SSBP2: variants seen among roughly 807,000 people sequenced by gnomAD.
SSBP2 encodes the protein single stranded DNA binding protein 2.
Under a neutral mutation model 61.8 loss-of-function variants are expected in SSBP2, and 17 were observed. The observed-to-expected ratio is 0.28, with a 90% CI of 0.19 to 0.41. SSBP2 has a LOEUF of 0.41. SSBP2 is among the 10% of genes least tolerant of loss of function. The pLI is 1.00. For synonymous variants in SSBP2, 139 were observed against 141.3 expected (o/e 0.98, Z 0.12); for missense variants, 310 against 458.7 (o/e 0.68, Z 2.96).
At chr5:81,535,957 CA>C (rs1423080404) in intron 4 of SSBP2, among the ~76,000 whole-genome samples, 1 of 151,944 alleles carries the variant, frequency 6.6e-6, no homozygotes, top group Non-Finnish European at 1.5e-5. Flanking sequence ...AGTGAGAAGA[CA>C]AGCCACAGAC....
intron 4 of SSBP2, among the ~76,000 whole-genome samples, chr5:81,569,551 A>G (rs888419467): frequency 1.3e-5 from 2 of 152,132 alleles, no homozygotes; most frequent in Non-Finnish European, 2.9e-5. Flanking sequence ...TTCCCTAAAC[A>G]CCTCATGCTC....
intron 4 of SSBP2, among the ~76,000 whole-genome samples, chr5:81,582,479 T>A (rs938595118): frequency 2.6e-5 from 4 of 152,186 alleles, no homozygotes; most frequent in African/African-American, 9.6e-5. Flanking sequence ...TAAAATTAAC[T>A]TTATAATATG....
chr5:81,728,309 C>T (rs1323584701), intron 1 of SSBP2, among the ~76,000 whole-genome samples: 2 of 152,090 alleles, frequency 1.3e-5, no homozygotes. Flanking sequence ...CAATACAGTG[C>T]AATGATTTTC....
At chr5:81,728,357 A>G (rs1197343020) in intron 1 of SSBP2, among the ~76,000 whole-genome samples, 2 of 152,170 alleles carry the variant, frequency 1.3e-5, no homozygotes, top group Non-Finnish European at 2.9e-5. Flanking sequence ...TTTTTTAAAT[A>G]AATAAAACAT....
intron 1 of SSBP2, among the ~76,000 whole-genome samples, chr5:81,715,614 A>T (rs1755118292): frequency 6.6e-6 from 1 of 152,222 alleles, no homozygotes; most frequent in Admixed American, 6.5e-5. Flanking sequence ...TACAAGAAAG[A>T]AAAAGTAACC....
intron 12 of SSBP2, among the ~76,000 whole-genome samples, chr5:81,444,750 A>G (rs746362648): frequency 2.0e-5 from 3 of 152,166 alleles, no homozygotes; most frequent in Non-Finnish European, 2.9e-5. Context: ...AATGTGCACA[A>G]AGAAAAGAAA....
At chr5:81,575,526 A>G (rs1186250845) in intron 4 of SSBP2, among the ~76,000 whole-genome samples, 1 of 152,130 alleles carries the variant, frequency 6.6e-6, no homozygotes, top group Non-Finnish European at 1.5e-5. Flanking sequence ...GAACAATAAA[A>G]ACAAGCTAAT....
chr5:81,468,497 A>G (rs1051560080), intron 8 of SSBP2, among the ~76,000 whole-genome samples: 5 of 151,968 alleles, frequency 3.3e-5, no homozygotes, highest in Non-Finnish European at 5.9e-5. Flanking sequence ...TGGCTCTATG[A>G]GGTATTCAAG....
intron 1 of SSBP2, among the ~76,000 whole-genome samples, chr5:81,681,317 T>C (rs1053054269): frequency 9.2e-5 from 14 of 152,080 alleles, no homozygotes; most frequent in African/African-American, 2.6e-4. Context: ...GTCAGGACTT[T>C]AGGACCAGCC....
At chr5:81,451,990 T>A (rs1469641991) in intron 10 of SSBP2, among the ~76,000 whole-genome samples, 1 of 152,164 alleles carries the variant, frequency 6.6e-6, no homozygotes, top group East Asian at 1.9e-4. Flanking sequence ...TAGGTAGAAG[T>A]ACCATGTGAG....
At chr5:81,597,807 A>G (rs76724770) in intron 4 of SSBP2, among the ~76,000 whole-genome samples, 2 of 144,202 alleles carry the variant, frequency 1.4e-5, no homozygotes, top group African/African-American at 5.1e-5. Context: ...GAAATGAACA[A>G]TGAGAACACA....
intron 4 of SSBP2, among the ~76,000 whole-genome samples, chr5:81,606,192 T>C (rs1744864784): frequency 6.6e-6 from 1 of 152,184 alleles, no homozygotes; most frequent in African/African-American, 2.4e-5. Context: ...TCACAGGCAC[T>C]GAGGAAACTA....
intron 16 of SSBP2, among the ~76,000 whole-genome samples, chr5:81,424,253 G>A (rs995413116): frequency 2.0e-5 from 3 of 151,680 alleles, no homozygotes; most frequent in African/African-American, 7.3e-5. Flanking sequence ...GTGAAACCCC[G>A]TTTCTACTAA....
intron 4 of SSBP2, among the ~76,000 whole-genome samples, chr5:81,608,221 AATT>A (rs1745064997): frequency 6.6e-6 from 1 of 152,078 alleles, no homozygotes; most frequent in African/African-American, 2.4e-5. Context: ...ATTAATTACA[AATT>A]ATTTTTAATT....
intron 4 of SSBP2, among the ~76,000 whole-genome samples, chr5:81,611,817 T>C (rs1184891634): frequency 1.3e-5 from 2 of 152,156 alleles, no homozygotes; most frequent in African/African-American, 2.4e-5. Flanking sequence ...TGTTTCTCTC[T>C]TTTCCACATT....
chr5:81,428,876 T>TA (rs942279590), intron 15 of SSBP2, among the ~76,000 whole-genome samples, 193 bp from the exon 16 acceptor site: 9 of 151,220 alleles, frequency 6.0e-5, no homozygotes, highest in Non-Finnish European at 1.0e-4. Flanking sequence ...AATGAAAATT[T>TA]AAAAAAAAAT....
At chr5:81,750,642 G>A (rs1757698524) in intron 1 of SSBP2, 1 of 264,326 alleles carries the variant, frequency 3.8e-6, no homozygotes, top group African/African-American at 2.4e-5. Context: ...CGGAGCCCCG[G>A]ACCCCAGCTC....
intron 5 of SSBP2, among the ~76,000 whole-genome samples, chr5:81,490,476 G>A (rs1050718110): frequency 1.3e-5 from 2 of 152,020 alleles, no homozygotes; most frequent in African/African-American, 4.8e-5. Flanking sequence ...CTAACGGGTT[G>A]AATGTTATTA....
At chr5:81,509,551 T>C (rs556782382) in intron 5 of SSBP2, among the ~76,000 whole-genome samples, 20 of 152,308 alleles carry the variant, frequency 1.3e-4, no homozygotes, top group Middle Eastern at 3.4e-3. Flanking sequence ...AGTCATTTGA[T>C]CACATCATTA....
Sources: gnomAD v4.1 joint callset for allele counts (sites outside exome capture counted in the v4.1 genomes callset) on GRCh38, gnomAD v4.1.1 for gene constraint, MANE v1.5 for transcripts, NCBI Gene and HGNC (gene_info 2026-07-23, HGNC 2026-07-21) for gene names.